The following CADPS variants were observed in gnomAD, a reference collection of about 807,000 sequenced individuals.
The protein encoded by CADPS is calcium-dependent secretion activator 1.
CADPS carries 57 observed loss-of-function variants against 167.3 expected under a neutral mutation model. That is an observed-to-expected ratio of 0.34 (90% CI 0.28 to 0.42). The LOEUF (loss-of-function observed/expected upper bound fraction) is 0.42. Among genes scored for constraint, CADPS ranks in the 20% least tolerant of loss-of-function variants. The pLI is 1.00. For synonymous variants in CADPS, 676 were observed against 635.3 expected, an observed-to-expected ratio of 1.06 and a Z score of -0.96; for missense variants, 1,414 against 1,738.1, an observed-to-expected ratio of 0.81 and a Z score of 3.32.
chr3:62,806,239 G>A (rs773691778), intron 1 of CADPS, among the ~76,000 whole-genome samples: 4 of 151,958 alleles, frequency 2.6e-5, no homozygotes, highest in Non-Finnish European at 4.4e-5. Flanking sequence ...AAGTAATTAC[G>A]TTGTGTACAT....
At chr3:62,857,096 C>T (rs1473812952) in intron 1 of CADPS, among the ~76,000 whole-genome samples, 1 of 151,834 alleles carries the variant, frequency 6.6e-6, no homozygotes, top group Non-Finnish European at 1.5e-5. Flanking sequence ...ACAAATATGA[C>T]AATGTTAATA....
intron 13 of CADPS, among the ~76,000 whole-genome samples, chr3:62,525,441 C>T (rs952330917): frequency 1.3e-5 from 2 of 152,090 alleles, no homozygotes; most frequent in Admixed American, 6.5e-5. Context: ...CCTGTACTTG[C>T]TCAGAATTGG....
chr3:62,639,181 G>A (rs746021998), intron 6 of CADPS, among the ~76,000 whole-genome samples: 1 of 152,120 alleles, frequency 6.6e-6, no homozygotes, highest in Non-Finnish European at 1.5e-5. Context: ...CCCAACCTAC[G>A]TATCTTCTGG....
At chr3:62,464,823 C>T (rs892760166) in intron 26 of CADPS, among the ~76,000 whole-genome samples, 5 of 152,128 alleles carry the variant, frequency 3.3e-5, no homozygotes, top group Non-Finnish European at 1.5e-5. Context: ...ACCCCCAAGA[C>T]ACAGCTCCAG....
intron 1 of CADPS, among the ~76,000 whole-genome samples, chr3:62,873,484 C>T (rs1196623480): frequency 6.6e-6 from 1 of 152,094 alleles, no homozygotes; most frequent in African/African-American, 2.4e-5. Flanking sequence ...AGAACGCTGA[C>T]TTTCTTCACT....
intron 3 of CADPS, among the ~76,000 whole-genome samples, chr3:62,742,041 A>G (rs776586525): frequency 2.6e-5 from 4 of 152,198 alleles, no homozygotes; most frequent in African/African-American, 4.8e-5. Flanking sequence ...ACAAAAAAGA[A>G]TAAAATACCC....
intron 2 of CADPS, among the ~76,000 whole-genome samples, chr3:62,763,802 T>A (rs192707380): frequency 6.6e-6 from 1 of 152,192 alleles, no homozygotes; most frequent in South Asian, 2.1e-4. Context: ...AGCAGTTAGA[T>A]CATTAATACC....
chr3:62,856,889 T>A (rs913693300), intron 1 of CADPS, among the ~76,000 whole-genome samples: 1 of 151,116 alleles, frequency 6.6e-6, no homozygotes, highest in African/African-American at 2.4e-5. Flanking sequence ...CTATAAGTAG[T>A]AGAAGAAGAT....
intron 1 of CADPS, among the ~76,000 whole-genome samples, chr3:62,770,023 T>G (rs559119461): frequency 6.6e-6 from 1 of 152,326 alleles, no homozygotes; most frequent in South Asian, 2.1e-4. Context: ...AGGCTCTGCA[T>G]GACGTACCCT....
chr3:62,452,300 T>G lies in CADPS; in HGVS notation c.3637-6503A>C, dbSNP rs375014271. ...GTGAATTGCACTTGTATATTAAGGT[T>G]GGTCTGACCCTACACATGTGGCTCT... On this transcript the variant is annotated intron_variant, in intron 26 of 29. Transcript: ENST00000383710. 3.3e-5 allele frequency among the ~76,000 whole-genome samples: 5 copies of G among 152,292 alleles called. No homozygotes were observed. The South Asian group carries it at 1.0e-3, about 32-fold the overall frequency.
chr3:62,682,481 T>C (rs186306261), intron 3 of CADPS, among the ~76,000 whole-genome samples: 6 of 152,182 alleles, frequency 3.9e-5, no homozygotes, highest in Admixed American at 2.6e-4. Flanking sequence ...GCTTCAGAAA[T>C]CATCTGTGAA....
chr3:62,443,313 C>T (rs2056669847), intron 27 of CADPS, among the ~76,000 whole-genome samples: 1 of 152,158 alleles, frequency 6.6e-6, no homozygotes, highest in Non-Finnish European at 1.5e-5. Context: ...CTTTATAACG[C>T]TTGGTTGTAG....
At chr3:62,436,830 G>A (rs2055164171) in intron 28 of CADPS, among the ~76,000 whole-genome samples, 1 of 151,722 alleles carries the variant, frequency 6.6e-6, no homozygotes, top group African/African-American at 2.4e-5. Context: ...GGAAAGAGGG[G>A]TATCAAGCAC....
At chr3:62,685,689 G>T (rs372297617) in intron 3 of CADPS, among the ~76,000 whole-genome samples, 3 of 115,744 alleles carry the variant, frequency 2.6e-5, no homozygotes, top group African/African-American at 6.5e-5. Flanking sequence ...CATCGGGGGG[G>T]TGGGGGGATT....
intron 1 of CADPS, among the ~76,000 whole-genome samples, chr3:62,814,058 A>G (rs2152888405): frequency 6.6e-6 from 1 of 152,288 alleles, no homozygotes; most frequent in Admixed American, 6.5e-5. Flanking sequence ...CTTCGAAATA[A>G]TAAGGTAAAA....
At chr3:62,800,987 G>A (rs1364784393) in intron 1 of CADPS, among the ~76,000 whole-genome samples, 1 of 152,038 alleles carries the variant, frequency 6.6e-6, no homozygotes, top group African/African-American at 2.4e-5. Flanking sequence ...TGGTAGGCTG[G>A]GGTAGATGGT....
At chr3:62,704,126 C>G (rs1242789836) in intron 3 of CADPS, among the ~76,000 whole-genome samples, 1 of 152,078 alleles carries the variant, frequency 6.6e-6, no homozygotes, top group Non-Finnish European at 1.5e-5. Context: ...AGCTTACATT[C>G]TAGTAGGGGG....
intron 28 of CADPS, among the ~76,000 whole-genome samples, chr3:62,428,069 T>C (rs1298439601): frequency 6.6e-6 from 1 of 152,114 alleles, no homozygotes; most frequent in Non-Finnish European, 1.5e-5. Context: ...AGTGACACTA[T>C]CATTGTAAGC....
Position 62,420,601 on chromosome 3 carries a change from T to A in CADPS, c.3778-17416A>T, listed in dbSNP as rs2051091469. On this transcript the variant is annotated intron_variant, in intron 28 of 29. Transcript: ENST00000383710. The surrounding 1 kb of genome is among the most constrained non-coding windows in gnomAD (Gnocchi z 4.1). The stretch of plus-strand genomic sequence containing the variant: ...CATCTTGATCTCCTAGGAGGGAATA[T>A]TTGGGTGTCCATAGCAACTGCCCAA... 6.6e-6 allele frequency among the ~76,000 whole-genome samples: 1 copy of A among 152,112 alleles called. No individual in the cohort carries two copies. Among genetic ancestry groups the A allele is most frequent in the African/African-American group, 2.4e-5 (1 of 41,412 alleles).
Sources: gnomAD v4.1 joint callset for allele counts (sites outside exome capture counted in the v4.1 genomes callset) on GRCh38, gnomAD v4.1.1 for gene constraint, Gnocchi (gnomAD v3.1) non-coding constraint, MANE v1.5 for transcripts, NCBI Gene and HGNC (gene_info 2026-07-23, HGNC 2026-07-21) for gene names.